Variants in GALNT2 observed in about 807,000 individuals in gnomAD.
GALNT2 encodes UDP-GalNAc:polypeptide N-acetylgalactosaminyltransferase 2.
Under a neutral mutation model 81.4 loss-of-function variants are expected in GALNT2, and 31 were observed. The observed-to-expected ratio is 0.38, with a 90% confidence interval of 0.29 to 0.51. The LOEUF is 0.51. Among genes scored for constraint, GALNT2 ranks in the 20% least tolerant of loss-of-function variants. The probability of loss-of-function intolerance (pLI) is 0.87; values close to 1 mark genes in which losing one functional copy is unlikely to be tolerated. For missense variants in GALNT2, 629 were observed against 765.7 expected (o/e 0.82, Z 2.11); for synonymous variants, 303 against 287.4 (o/e 1.05, Z -0.55).
intron 5 of GALNT2, 106 bp downstream of exon 5, chr1:230,236,526 C>A: frequency 7.0e-7 from 1 of 1,423,918 alleles, no homozygotes; most frequent in Non-Finnish European, 9.8e-7. Context: ...AAATCAGATC[C>A]ACAGAAAGAA....
intron 1 of GALNT2, among the ~76,000 whole-genome samples, chr1:230,167,575 G>A (rs1326241266): frequency 1.3e-5 from 2 of 152,250 alleles, no homozygotes; most frequent in Non-Finnish European, 2.9e-5. Flanking sequence ...TGGTGACAAG[G>A]AGCATTGCAC....
At chr1:230,246,591 A>G (rs938134423) in intron 8 of GALNT2, among the ~76,000 whole-genome samples, 1 of 152,096 alleles carries the variant, frequency 6.6e-6, no homozygotes, top group African/African-American at 2.4e-5. Flanking sequence ...GGTTGCTCAG[A>G]TGGAGACCTG....
At chr1:230,226,465 T>C (rs2102727481) in intron 3 of GALNT2, among the ~76,000 whole-genome samples, 1 of 152,368 alleles carries the variant, frequency 6.6e-6, no homozygotes, top group East Asian at 1.9e-4. Flanking sequence ...TTCAAACTTC[T>C]GGCCCTGCTG....
upstream of GALNT2, among the ~76,000 whole-genome samples, chr1:230,064,435 C>G (rs998935738): frequency 2.6e-5 from 4 of 152,194 alleles, no homozygotes; most frequent in African/African-American, 9.7e-5. Context: ...CCATGTGAGT[C>G]ACGTTCTCTG....
intron 1 of GALNT2, among the ~76,000 whole-genome samples, chr1:230,080,757 C>T (rs1004830934): frequency 6.6e-6 from 1 of 152,170 alleles, no homozygotes; most frequent in Non-Finnish European, 1.5e-5. Flanking sequence ...TCAGGCAAGT[C>T]ACTTAACCCT....
At chr1:230,098,540 C>A (rs1443484474) in intron 1 of GALNT2, among the ~76,000 whole-genome samples, 1 of 151,824 alleles carries the variant, frequency 6.6e-6, no homozygotes, top group South Asian at 2.1e-4. Flanking sequence ...CAAGCAGAAG[C>A]CGCATCTGTG....
chr1:230,243,300 C>T lies in GALNT2; in HGVS notation c.608-6C>T, dbSNP rs1336297088. On this transcript the variant is annotated splice_polypyrimidine_tract_variant and splice_region_variant and intron_variant, in intron 6 of 15. Coordinates refer to ENST00000366672, the MANE Select transcript of GALNT2 (RefSeq NM_004481.5). The surrounding 1 kb of genome is among the most constrained non-coding windows in gnomAD (Gnocchi z 4.2). ...TCCTGACGTGCTTTCCAACTCGCCT[C>T]TGCAGGCCTCATGCGCTCACGGGTT... 3 of 1,599,652 alleles carry T rather than the reference C, an allele frequency of 1.9e-6. No individual in the cohort carries two copies. The highest frequency in any genetic ancestry group is 2.6e-6 in the Non-Finnish European group (3 of 1,176,386).
chr1:230,222,332 C>T (rs1664576450), intron 3 of GALNT2, among the ~76,000 whole-genome samples: 1 of 152,092 alleles, frequency 6.6e-6, no homozygotes, highest in South Asian at 2.1e-4. Flanking sequence ...CCTCTGCTTT[C>T]CTCTGCACTC....
intron 1 of GALNT2, among the ~76,000 whole-genome samples, chr1:230,069,855 CA>C (rs1659322192): frequency 6.6e-6 from 1 of 152,124 alleles, no homozygotes; most frequent in Admixed American, 6.5e-5. Context: ...CTGTTCAAGT[CA>C]GGGCTTTTAT....
intron 14 of GALNT2, among the ~76,000 whole-genome samples, chr1:230,273,615 A>G (rs1001779171): frequency 1.3e-5 from 2 of 152,172 alleles, no homozygotes; most frequent in African/African-American, 4.8e-5. Context: ...ACCATGTCTC[A>G]TTTAGTATCC....
At chr1:230,080,462 T>C (rs950428524) in intron 1 of GALNT2, among the ~76,000 whole-genome samples, 6 of 152,222 alleles carry the variant, frequency 3.9e-5, no homozygotes. Flanking sequence ...ATTTAGGTCC[T>C]GGTGCCAGCG....
At chr1:230,187,041 A>G (rs1378028222) in intron 2 of GALNT2, among the ~76,000 whole-genome samples, 1 of 152,230 alleles carries the variant, frequency 6.6e-6, no homozygotes, top group African/African-American at 2.4e-5. Context: ...TGGTGTGTTC[A>G]GGAAGCTCAG....
At chr1:230,166,363 A>G (rs1662603117) in intron 1 of GALNT2, among the ~76,000 whole-genome samples, 1 of 152,268 alleles carries the variant, frequency 6.6e-6, no homozygotes, top group Non-Finnish European at 1.5e-5. Flanking sequence ...TCTTGGGTGC[A>G]GATAGCACAC....
At chr1:230,095,362 T>G (rs376698724) in intron 1 of GALNT2, among the ~76,000 whole-genome samples, 91 of 152,328 alleles carry the variant, frequency 6.0e-4, no homozygotes, top group African/African-American at 2.1e-3. Flanking sequence ...GTTTTTATTA[T>G]CCCCATTTTA....
At chr1:230,100,850 G>A (rs948292469) in intron 1 of GALNT2, among the ~76,000 whole-genome samples, 8 of 131,956 alleles carry the variant, frequency 6.1e-5, no homozygotes, top group African/African-American at 2.0e-4. Flanking sequence ...TACACATTTA[G>A]GAAGTGTATG....
intron 1 of GALNT2, among the ~76,000 whole-genome samples, chr1:230,093,077 C>G (rs931910803): frequency 3.3e-5 from 5 of 152,186 alleles, no homozygotes; most frequent in Admixed American, 3.3e-4. Flanking sequence ...CTCTAGTCCC[C>G]CTATACATTT....
chr1:230,277,886 C>A (rs1666341193), intron 15 of GALNT2, among the ~76,000 whole-genome samples: 1 of 151,988 alleles, frequency 6.6e-6, no homozygotes, highest in Admixed American at 6.6e-5. Context: ...TTTGCAGAGT[C>A]AAAGGGGAAA....
chr1:230,213,743 TG>T (rs1447527560), intron 3 of GALNT2, among the ~76,000 whole-genome samples: 2 of 152,236 alleles, frequency 1.3e-5, no homozygotes, highest in African/African-American at 4.8e-5. Flanking sequence ...TCTTCTCTGT[TG>T]GTTTGCTAAA....
intron 1 of GALNT2, among the ~76,000 whole-genome samples, chr1:230,102,653 C>T (rs995132767): frequency 6.6e-6 from 1 of 152,070 alleles, no homozygotes; most frequent in Non-Finnish European, 1.5e-5. Context: ...GTAAAAACAC[C>T]TCTGCATCCA....
Sources: gnomAD v4.1 joint callset for allele counts (sites outside exome capture counted in the v4.1 genomes callset) on GRCh38, gnomAD v4.1.1 for gene constraint, Gnocchi (gnomAD v3.1) non-coding constraint, MANE v1.5 for transcripts, NCBI Gene and HGNC (gene_info 2026-07-23, HGNC 2026-07-21) for gene names.